The following CALCR variants were observed in gnomAD, a reference collection of about 807,000 sequenced individuals.
CALCR encodes calcitonin receptor.
CALCR carries 47 observed loss-of-function variants against 59.5 expected under a neutral mutation model. The observed-to-expected ratio is 0.79, with a 90% CI of 0.63 to 1.01. The LOEUF is 1.01. Among genes scored for constraint, CALCR ranks in the 50% least tolerant of loss-of-function variants. The pLI is 0.00. For synonymous variants in CALCR, 213 were observed against 211.3 expected (o/e 1.01, Z -0.07); for missense variants, 566 against 597.1 (o/e 0.95, Z 0.54).
chr7:93,522,999 T>G (rs1465841943), intron 2 of CALCR, among the ~76,000 whole-genome samples: 1 of 152,192 alleles, frequency 6.6e-6, no homozygotes, highest in Non-Finnish European at 1.5e-5. Context: ...TACTACTACA[T>G]TATTAAAGTT....
At chr7:93,459,485 A>G (rs574534150) in intron 8 of CALCR, among the ~76,000 whole-genome samples, 2 of 152,262 alleles carry the variant, frequency 1.3e-5, no homozygotes, top group Non-Finnish European at 2.9e-5. Context: ...ACTGATATCA[A>G]TGAAAAAGCA....
At chr7:93,555,669 G>C (rs1279272661) in intron 2 of CALCR, among the ~76,000 whole-genome samples, 1 of 136,408 alleles carries the variant, frequency 7.3e-6, no homozygotes, top group Non-Finnish European at 1.7e-5. Context: ...GTACAGTCCA[G>C]TAATTATATC....
intron 3 of CALCR, among the ~76,000 whole-genome samples, chr7:93,484,602 T>G (rs1322503551): frequency 6.6e-6 from 1 of 151,804 alleles, no homozygotes; most frequent in Non-Finnish European, 1.5e-5. Context: ...TTGTAAAAAG[T>G]GTTAGCCCTG....
chr7:93,529,465 A>T (rs1788774301), intron 2 of CALCR, among the ~76,000 whole-genome samples: 1 of 152,196 alleles, frequency 6.6e-6, no homozygotes, highest in Non-Finnish European at 1.5e-5. Flanking sequence ...AGTCTCAGTT[A>T]TTTCTTTACA....
intron 2 of CALCR, among the ~76,000 whole-genome samples, chr7:93,529,183 T>C (rs1788762402): frequency 6.6e-6 from 1 of 152,150 alleles, no homozygotes; most frequent in South Asian, 2.1e-4. Context: ...GATTGGACCA[T>C]GGGTGTAGAT....
intron 2 of CALCR, among the ~76,000 whole-genome samples, chr7:93,552,470 C>T (rs138038466): frequency 2.4e-3 from 367 of 152,210 alleles, no homozygotes; most frequent in African/African-American, 8.5e-3. Flanking sequence ...AATGGGCCTA[C>T]AAATATGATT....
intron 8 of CALCR, among the ~76,000 whole-genome samples, chr7:93,449,588 A>G (rs1049492033): frequency 1.6e-4 from 24 of 152,064 alleles, no homozygotes; most frequent in African/African-American, 5.8e-4. Context: ...ATCAAAATGA[A>G]TAAGGCTTTG....
rs201932859 is a variant in CALCR, at chr7:93,473,297, G to A, written c.317-810C>T. On this transcript the variant is annotated intron_variant, in intron 5 of 13. Transcript: ENST00000426151. The stretch of plus-strand genomic sequence containing the variant: ...AACGTTAATAATGAGTCTTTGAAGT[G>A]AATATTGTTCTTCCCATTTTATATA... 7.2e-5 allele frequency among the ~76,000 whole-genome samples: 11 copies of A among 151,918 alleles called. No homozygotes were observed. In the East Asian group the frequency reaches 2.1e-3, roughly 30 times the overall value.
intron 8 of CALCR, among the ~76,000 whole-genome samples, chr7:93,454,916 T>TTTGTGTGTGTG (rs1393217396): frequency 6.9e-6 from 1 of 144,918 alleles, no homozygotes; most frequent in African/African-American, 2.6e-5. Flanking sequence ...ACAGGGCATT[T>TTTGTGTGTGTG]TGTGTGTGTG....
At chr7:93,477,518 G>C (rs1169634761) in intron 5 of CALCR, 40 bp downstream of exon 5, 3 of 1,368,840 alleles carry the variant, frequency 2.2e-6, no homozygotes, top group East Asian at 2.3e-5. Flanking sequence ...AACTCTAAAA[G>C]CTTCATAGCA....
intron 3 of CALCR, among the ~76,000 whole-genome samples, chr7:93,484,394 G>C (rs1800875248): frequency 6.6e-6 from 1 of 151,746 alleles, no homozygotes; most frequent in South Asian, 2.1e-4. Flanking sequence ...ATGGACCCAA[G>C]CTGCTGTGCT....
chr7:93,517,435 T>C (rs568848604), intron 2 of CALCR, among the ~76,000 whole-genome samples: 1 of 151,902 alleles, frequency 6.6e-6, no homozygotes, highest in South Asian at 2.1e-4. Context: ...TAAATAATCA[T>C]ATATTATAAA....
At chr7:93,461,576 G>A (rs905610177) in intron 7 of CALCR, among the ~76,000 whole-genome samples, 3 of 152,072 alleles carry the variant, frequency 2.0e-5, no homozygotes, top group Admixed American at 6.6e-5. Context: ...ATTCTTAATA[G>A]GCTCAAATGA....
chr7:93,485,234 C>G (rs1404978627), intron 3 of CALCR, among the ~76,000 whole-genome samples: 1 of 151,352 alleles, frequency 6.6e-6, no homozygotes. Flanking sequence ...GAGCACAAAC[C>G]CATTTAAGTG....
At chr7:93,452,456 T>A (rs866619612) in intron 8 of CALCR, among the ~76,000 whole-genome samples, 1 of 152,004 alleles carries the variant, frequency 6.6e-6, no homozygotes, top group South Asian at 2.1e-4. Flanking sequence ...GTACAGTCTT[T>A]AAAGCCAGCT....
At chr7:93,553,900 G>A (rs561650286) in intron 2 of CALCR, among the ~76,000 whole-genome samples, 1 of 152,232 alleles carries the variant, frequency 6.6e-6, no homozygotes, top group Admixed American at 6.5e-5. Context: ...TGCCATGATA[G>A]ATATTGCCTT....
At chr7:93,460,127 C>T (rs1383503759) in intron 8 of CALCR, among the ~76,000 whole-genome samples, 3 of 152,132 alleles carry the variant, frequency 2.0e-5, no homozygotes, top group Non-Finnish European at 4.4e-5. Flanking sequence ...AATATCTAGG[C>T]ACACCTGTAA....
rs75263709 is a variant in CALCR at position 93,461,453 on chromosome 7, C to G, written c.522-506G>C. Among the ~76,000 whole-genome samples, 310 of 152,278 alleles carry G rather than the reference C, an allele frequency of 2.0e-3. 1 individual carries two copies. The highest frequency in any genetic ancestry group is 6.8e-3 in the Middle Eastern group (2 of 294). On this transcript the variant is annotated intron_variant, in intron 7 of 13. Transcript: ENST00000426151. ...ACACTTCACGTCTCCTGGCATCCTC[C>G]TCTTCCATCATTTCTGTTACCATCT...
chr7:93,563,190 T>C (rs1438333363), intron 2 of CALCR, among the ~76,000 whole-genome samples: 2 of 152,046 alleles, frequency 1.3e-5, no homozygotes, highest in Non-Finnish European at 2.9e-5. Flanking sequence ...TGGAAAAGAG[T>C]TGCCATGCTC....
Sources: gnomAD v4.1 joint callset for allele counts (sites outside exome capture counted in the v4.1 genomes callset) on GRCh38, gnomAD v4.1.1 for gene constraint, MANE v1.5 for transcripts, NCBI Gene and HGNC (gene_info 2026-07-23, HGNC 2026-07-21) for gene names.